The following TMEM272 variants were observed in gnomAD, a reference collection of about 807,000 sequenced individuals.
TMEM272 encodes transmembrane protein 272, also known as long intergenic non-protein coding RNA 282.
A neutral mutation model predicts 3.7 loss-of-function variants in TMEM272; 8 were observed. The observed-to-expected ratio is 2.17, with a 90% CI of 1.27 to 3.91. The LOEUF (loss-of-function observed/expected upper bound fraction) is 3.91, where lower values mean the gene tolerates loss of function less well. Ranked by LOEUF, TMEM272 falls within the 30% of genes most tolerant of loss-of-function variation. The pLI, the probability that TMEM272 is intolerant of heterozygous loss-of-function variation, is 0.00. For synonymous variants in TMEM272, 63 were observed against 39.8 expected (o/e 1.58, Z -2.20); for missense variants, 166 against 91.5 (o/e 1.81, Z -3.32).
At chr13:51,903,538 G>A in the TMEM272 span, among the ~76,000 whole-genome samples, 3 of 152,142 alleles carry the variant, frequency 2.0e-5, no homozygotes, top group African/African-American at 7.2e-5. Context: ...CCACCAAATA[G>A]AGGGCAAACT....
intron 4 of TMEM272, among the ~76,000 whole-genome samples, chr13:51,819,313 G>A (rs1473419725): frequency 6.6e-6 from 1 of 152,204 alleles, no homozygotes; most frequent in African/African-American, 2.4e-5. Flanking sequence ...AGCCCAGGCT[G>A]AACACCAGCT....
the TMEM272 span, among the ~76,000 whole-genome samples, chr13:51,902,914 A>G: frequency 6.6e-6 from 1 of 152,242 alleles, no homozygotes. Context: ...ACTTCCTAGC[A>G]TGGTGGCTTC....
chr13:51,838,103 A>G (rs898764477), intron 2 of TMEM272, among the ~76,000 whole-genome samples: 1 of 152,186 alleles, frequency 6.6e-6, no homozygotes, highest in Non-Finnish European at 1.5e-5. Context: ...GTAAGGAGAC[A>G]GGTTGAGGTA....
At chr13:51,849,866 C>T (rs1334116474), upstream of TMEM272, among the ~76,000 whole-genome samples, 5 of 152,182 alleles carry the variant, frequency 3.3e-5, no homozygotes, top group African/African-American at 1.2e-4. Flanking sequence ...CCTCTTTGCC[C>T]TCCCTCCCCA....
chr13:51,926,407 G>A, the TMEM272 span, among the ~76,000 whole-genome samples: 2 of 152,272 alleles, frequency 1.3e-5, no homozygotes, highest in African/African-American at 2.4e-5. Flanking sequence ...GCTAACCTGG[G>A]TCCCTCCAGG....
intron 2 of TMEM272, among the ~76,000 whole-genome samples, chr13:51,832,199 G>A (rs188225767): frequency 6.6e-6 from 1 of 152,274 alleles, no homozygotes; most frequent in Non-Finnish European, 1.5e-5. Flanking sequence ...GCTGCTGCCC[G>A]TGATTGTCAG....
the TMEM272 span, among the ~76,000 whole-genome samples, chr13:51,856,857 A>G: frequency 3.3e-5 from 5 of 152,238 alleles, no homozygotes; most frequent in Admixed American, 6.5e-5. Context: ...AAAGAAAATA[A>G]CAACTAACCT....
At chr13:51,865,693 A>G in the TMEM272 span, 1 of 1,614,144 alleles carries the variant, frequency 6.2e-7, no homozygotes, top group Non-Finnish European at 8.5e-7. Flanking sequence ...AAGAGGAAAA[A>G]TCCTTCTGGG....
At chr13:51,879,065 T>C in the TMEM272 span, among the ~76,000 whole-genome samples, 1 of 151,536 alleles carries the variant, frequency 6.6e-6, no homozygotes, top group Non-Finnish European at 1.5e-5. Context: ...CAGACAAAGA[T>C]TTTTGAGCTT....
the TMEM272 span, among the ~76,000 whole-genome samples, chr13:51,862,514 A>T: frequency 6.6e-6 from 1 of 152,224 alleles, no homozygotes; most frequent in Non-Finnish European, 1.5e-5. Context: ...GTTTTCCAAC[A>T]TCCTAACCCA....
the TMEM272 span, among the ~76,000 whole-genome samples, chr13:51,876,119 T>C: frequency 6.6e-6 from 1 of 152,166 alleles, no homozygotes; most frequent in African/African-American, 2.4e-5. Flanking sequence ...CTGGGGGTGT[T>C]CCCCCCAAAA....
At chr13:51,834,738 A>T (rs866611801) in intron 2 of TMEM272, among the ~76,000 whole-genome samples, 1 of 152,056 alleles carries the variant, frequency 6.6e-6, no homozygotes. Context: ...TGCTGTCTCC[A>T]AGTGGAGTTG....
chr13:51,889,633 T>TG, the TMEM272 span, among the ~76,000 whole-genome samples: 1,065 of 147,974 alleles, frequency 7.2e-3, 7 homozygotes, highest in African/African-American at 0.02. Context: ...TTTGTGTGTG[T>TG]GTGGGGGGGT....
At chr13:51,861,373 G>A in the TMEM272 span, among the ~76,000 whole-genome samples, 7 of 152,030 alleles carry the variant, frequency 4.6e-5, no homozygotes, top group Admixed American at 2.0e-4. Flanking sequence ...GCACAAAAAA[G>A]GGTAACTATA....
At chr13:51,868,874 A>G in the TMEM272 span, among the ~76,000 whole-genome samples, 8 of 152,356 alleles carry the variant, frequency 5.3e-5, no homozygotes, top group South Asian at 2.1e-4. Context: ...ATCTATTGTC[A>G]TAACTGTTGT....
the TMEM272 span, among the ~76,000 whole-genome samples, chr13:51,851,397 GGAA>G: frequency 2.8e-5 from 4 of 141,568 alleles, no homozygotes; most frequent in South Asian, 2.2e-4. Context: ...AGGAGGAGGA[GGAA>G]GAAGAAGAAC....
chr13:51,857,610 T>C, the TMEM272 span, among the ~76,000 whole-genome samples: 3 of 151,920 alleles, frequency 2.0e-5, no homozygotes, highest in African/African-American at 7.2e-5. Flanking sequence ...TATTATAATC[T>C]CCAGGATAAT....
At chr13:51,867,687 G>A in the TMEM272 span, among the ~76,000 whole-genome samples, 1 of 152,302 alleles carries the variant, frequency 6.6e-6, no homozygotes, top group Non-Finnish European at 1.5e-5. Context: ...GATTCTCAGA[G>A]GAAGCAGGGT....
the TMEM272 span, among the ~76,000 whole-genome samples, chr13:51,886,625 G>A: frequency 6.6e-5 from 10 of 152,058 alleles, no homozygotes; most frequent in Non-Finnish European, 1.0e-4. Context: ...AACATTTTCT[G>A]AATTTTTTAC....
Sources: gnomAD v4.1 joint callset for allele counts (sites outside exome capture counted in the v4.1 genomes callset) on GRCh38, gnomAD v4.1.1 for gene constraint, MANE v1.5 for transcripts, NCBI Gene and HGNC (gene_info 2026-07-23, HGNC 2026-07-21) for gene names.